SLC39A11: variants seen among roughly 807,000 people sequenced by gnomAD.
SLC39A11 encodes the protein zinc transporter ZIP11.
SLC39A11 carries 33 observed loss-of-function variants against 36.1 expected under a neutral mutation model. The observed-to-expected ratio is 0.91, with a 90% CI of 0.69 to 1.22. SLC39A11 has a LOEUF of 1.22. Among genes scored for constraint, SLC39A11 ranks in the 50% most tolerant of loss-of-function variants. The pLI, the probability that SLC39A11 is intolerant of heterozygous loss-of-function variation, is 0.00. For missense variants in SLC39A11, 432 were observed against 430.3 expected (o/e 1.00, Z -0.03); for synonymous variants, 166 against 170.3 (o/e 0.97, Z 0.20).
At chr17:72,776,752 C>A (rs16977385) in intron 6 of SLC39A11, among the ~76,000 whole-genome samples, 9,667 of 152,018 alleles carry the variant, frequency 0.064, 978 homozygotes, top group African/African-American at 0.21. Context: ...ATCCTCACAA[C>A]AGCATTCCAA....
chr17:72,705,544 T>A (rs2072855359), intron 7 of SLC39A11, among the ~76,000 whole-genome samples: 1 of 152,200 alleles, frequency 6.6e-6, no homozygotes, highest in Admixed American at 6.5e-5. Context: ...TAAGGGTGAA[T>A]GGGTTGGCCC....
rs117746720 is a variant in SLC39A11, at chr17:72,939,187, G to A, written c.430+8565C>T. 1.8e-3 allele frequency among the ~76,000 whole-genome samples: 272 copies of A among 152,276 alleles called. 1 individual carries two copies. Among genetic ancestry groups the A allele is most frequent in the Non-Finnish European group, 3.1e-3 (213 of 67,998 alleles). ...GAATATGACCTTACCTAGGCAGGGC[G>A]TGGTGGCTCACGCCTATAATCCCAG... On this transcript the variant is annotated intron_variant, in intron 5 of 9. Transcript: ENST00000255559.
At chr17:72,817,224 A>C (rs1028163852) in intron 6 of SLC39A11, among the ~76,000 whole-genome samples, 3 of 151,626 alleles carry the variant, frequency 2.0e-5, no homozygotes, top group African/African-American at 7.3e-5. Context: ...GGAAGCTTCC[A>C]CTCATGGTGG....
intron 4 of SLC39A11, among the ~76,000 whole-genome samples, chr17:73,027,654 A>G (rs1219024896): frequency 6.6e-6 from 1 of 152,224 alleles, no homozygotes; most frequent in East Asian, 1.9e-4. Flanking sequence ...AGGCTGAAGG[A>G]ACAGAAATGG....
At chr17:72,948,287 C>G (rs1389304295) in intron 4 of SLC39A11, among the ~76,000 whole-genome samples, 1 of 150,006 alleles carries the variant, frequency 6.7e-6, no homozygotes, top group African/African-American at 2.5e-5. Flanking sequence ...TACCAAACCC[C>G]ACTGCAAGCG....
rs537154676 is a variant in SLC39A11 at position 72,810,995 on chromosome 17, G to A, written c.601+38639C>T. On this transcript the variant is annotated intron_variant, in intron 6 of 9. Transcript: ENST00000255559. ...AGGCGTGAGCCACCATGCCTGGCCC[G>A]TAAAAATTCTTTAAGTTGTATATTT... Among the ~76,000 whole-genome samples the A allele has an allele frequency of 1.2e-3, 176 of 151,626 alleles. 1 individual carries two copies. The highest frequency in any genetic ancestry group is 3.6e-3 in the African/African-American group (149 of 41,340).
At chr17:73,044,893 A>T (rs976304957) in intron 3 of SLC39A11, among the ~76,000 whole-genome samples, 1 of 151,828 alleles carries the variant, frequency 6.6e-6, no homozygotes, top group Admixed American at 6.6e-5. Context: ...AAAAAAAAAA[A>T]AAAGAAAAGA....
At position 73,033,705 on chromosome 17, in the gene SLC39A11, C is replaced by T. The variant is rs540027442; in HGVS notation, c.148-1991G>A. Among the ~76,000 whole-genome samples, 6 of 152,304 alleles carry T rather than the reference C, an allele frequency of 3.9e-5. No homozygotes were observed. In the East Asian group the frequency reaches 9.6e-4, roughly 24 times the overall value. ...CCCATCGTAACTATACGGCAGTCATCGCCGACACAGAAAATGTTGAATGGG... is the reference window on the plus strand; with the variant it reads ...CCCATCGTAACTATACGGCAGTCATTGCCGACACAGAAAATGTTGAATGGG... On this transcript the variant is annotated intron_variant, in intron 3 of 9. Transcript: ENST00000255559.
chr17:72,736,838 G>A lies in SLC39A11; in HGVS notation c.602-119C>T, dbSNP rs116738234. The A allele has an allele frequency of 6.2e-4, 535 of 857,660 alleles. 6 individuals are homozygous for A. The East Asian group carries it at 0.011, about 18-fold the overall frequency. 53.1% of individuals were successfully genotyped at this position (857,660 alleles called of 1,614,324 possible). ...AGGCTGCCAGTCAAAGAAAATCATC[G>A]TAACAGCAGCTTAAACCCAGGGAAA... On this transcript the variant is annotated intron_variant, in intron 6 of 9. Coordinates refer to ENST00000255559, the MANE Select transcript of SLC39A11 (RefSeq NM_139177.4).
intron 7 of SLC39A11, among the ~76,000 whole-genome samples, chr17:72,669,210 C>T (rs1449591929): frequency 1.3e-5 from 2 of 152,162 alleles, no homozygotes; most frequent in South Asian, 2.1e-4. Context: ...CGAAAATGTA[C>T]GTAACTGTAA....
At chr17:72,846,280 T>G (rs1567812898) in intron 6 of SLC39A11, among the ~76,000 whole-genome samples, 1 of 152,154 alleles carries the variant, frequency 6.6e-6, no homozygotes, top group South Asian at 2.1e-4. Context: ...TCCGCCCACC[T>G]TGGCTTCCCA....
chr17:72,665,390 T>TTTTTTTTTTTTTTG (rs2070694760), intron 7 of SLC39A11, among the ~76,000 whole-genome samples: 1 of 49,180 alleles, frequency 2.0e-5, no homozygotes, highest in East Asian at 3.6e-4. Flanking sequence ...TTTTGAGGTG[T>TTTTTTTTTTTTTTG]TTTTTTTTTT....
chr17:72,886,416 A>C (rs1230346970), intron 5 of SLC39A11, among the ~76,000 whole-genome samples: 7 of 152,170 alleles, frequency 4.6e-5, no homozygotes, highest in Non-Finnish European at 1.0e-4. Context: ...TAAATCACTC[A>C]ATCCCAAAGG....
intron 3 of SLC39A11, among the ~76,000 whole-genome samples, chr17:73,051,115 T>G (rs555095467): frequency 6.6e-6 from 1 of 152,288 alleles, no homozygotes. Context: ...CCACGCTCCC[T>G]CTAAAGGCTC....
intron 3 of SLC39A11, among the ~76,000 whole-genome samples, chr17:73,066,304 C>T (rs138266027): frequency 7.9e-5 from 12 of 152,270 alleles, no homozygotes; most frequent in East Asian, 5.8e-4. Flanking sequence ...CAAATGACCG[C>T]GGCCTCATGA....
At chr17:73,078,250 AAAAAAAAG>A (rs2060392487) in intron 3 of SLC39A11, among the ~76,000 whole-genome samples, 2 of 151,974 alleles carry the variant, frequency 1.3e-5, no homozygotes, top group South Asian at 4.2e-4. Flanking sequence ...GAAAAAAAAA[AAAAAAAAG>A]AACTTTGAAA....
At chr17:72,741,774 G>T (rs1018969054) in intron 6 of SLC39A11, among the ~76,000 whole-genome samples, 3 of 152,150 alleles carry the variant, frequency 2.0e-5, no homozygotes, top group Admixed American at 1.3e-4. Flanking sequence ...GGCCCAGGGT[G>T]TTGGTCCTTC....
intron 5 of SLC39A11, among the ~76,000 whole-genome samples, chr17:72,926,267 G>C (rs2084043705): frequency 6.6e-6 from 1 of 152,170 alleles, no homozygotes; most frequent in Non-Finnish European, 1.5e-5. Flanking sequence ...AATATGTAGA[G>C]AGTGAGTTTG....
intron 7 of SLC39A11, among the ~76,000 whole-genome samples, chr17:72,728,007 G>A (rs535184080): frequency 4.6e-5 from 7 of 152,310 alleles, no homozygotes; most frequent in South Asian, 4.1e-4. Flanking sequence ...TGCCACAGGC[G>A]ACGTTTATAT....
Sources: gnomAD v4.1 joint callset for allele counts (sites outside exome capture counted in the v4.1 genomes callset) on GRCh38, gnomAD v4.1.1 for gene constraint, MANE v1.5 for transcripts, NCBI Gene and HGNC (gene_info 2026-07-23, HGNC 2026-07-21) for gene names.